Variants in PTPRD observed in about 807,000 individuals in gnomAD.
The protein encoded by PTPRD is protein tyrosine phosphatase receptor type D.
Under a neutral mutation model 214.5 loss-of-function variants are expected in PTPRD, and 34 were observed. The observed-to-expected ratio is 0.16, with a 90% CI of 0.12 to 0.21. The LOEUF is 0.21. PTPRD is among the 10% of genes least tolerant of loss of function. The probability of loss-of-function intolerance (pLI) is 1.00; values close to 1 mark genes in which losing one functional copy is unlikely to be tolerated. For synonymous variants in PTPRD, 1,128 were observed against 845.7 expected, an observed-to-expected ratio of 1.33 and a Z score of -5.79; for missense variants, 2,545 against 2,398.7, an observed-to-expected ratio of 1.06 and a Z score of -1.27.
At chr9:9,770,330 A>C (rs1162913819) in intron 5 of PTPRD, among the ~76,000 whole-genome samples, 2 of 152,184 alleles carry the variant, frequency 1.3e-5, no homozygotes, top group African/African-American at 4.8e-5. Flanking sequence ...TTTATATTAC[A>C]TCACAATTTA....
At chr9:9,541,464 C>A (rs1283832660) in intron 8 of PTPRD, among the ~76,000 whole-genome samples, 1 of 151,778 alleles carries the variant, frequency 6.6e-6, no homozygotes, top group Admixed American at 6.6e-5. Flanking sequence ...ATGTGAGAAA[C>A]CTCAACAAAT....
intron 4 of PTPRD, among the ~76,000 whole-genome samples, chr9:9,948,349 G>A (rs1470838124): frequency 6.6e-6 from 1 of 152,010 alleles, no homozygotes; most frequent in Non-Finnish European, 1.5e-5. Context: ...GAAGGGATGT[G>A]TATTCCTTAT....
At chr9:8,580,850 T>G (rs573129963) in intron 14 of PTPRD, among the ~76,000 whole-genome samples, 1 of 152,314 alleles carries the variant, frequency 6.6e-6, no homozygotes, top group Non-Finnish European at 1.5e-5. Context: ...ATAGAAATAC[T>G]GTTTTGCAGT....
chr9:9,752,884 A>C (rs1488020257), intron 6 of PTPRD, among the ~76,000 whole-genome samples: 1 of 152,050 alleles, frequency 6.6e-6, no homozygotes, highest in Non-Finnish European at 1.5e-5. Context: ...GCATTATATA[A>C]TAAAACACAC....
intron 5 of PTPRD, among the ~76,000 whole-genome samples, chr9:9,862,872 C>G (rs866230516): frequency 6.6e-6 from 1 of 151,932 alleles, no homozygotes; most frequent in Non-Finnish European, 1.5e-5. Flanking sequence ...TTTCTTGTGC[C>G]TTTTCTGTTA....
intron 10 of PTPRD, among the ~76,000 whole-genome samples, chr9:9,045,415 G>T (rs2099669305): frequency 6.7e-6 from 1 of 149,630 alleles, no homozygotes; most frequent in African/African-American, 2.6e-5. Flanking sequence ...TGGGGGTAAG[G>T]TGGGTGAAGG....
chr9:9,998,979 G>A (rs1325822905), intron 4 of PTPRD, among the ~76,000 whole-genome samples: 1 of 152,120 alleles, frequency 6.6e-6, no homozygotes, highest in African/African-American at 2.4e-5. Flanking sequence ...GGGATGCATT[G>A]CAGGGGACAT....
At chr9:9,184,200 A>G (rs1467506193) in intron 9 of PTPRD, among the ~76,000 whole-genome samples, 1 of 152,050 alleles carries the variant, frequency 6.6e-6, no homozygotes, top group African/African-American at 2.4e-5. Flanking sequence ...AGATGCTCCA[A>G]CAAGCTCTGC....
chr9:9,109,578 A>T (rs943919609), intron 10 of PTPRD, among the ~76,000 whole-genome samples: 3 of 152,154 alleles, frequency 2.0e-5, no homozygotes, highest in African/African-American at 7.2e-5. Flanking sequence ...ACTAATAATC[A>T]TAACAGTTAT....
At chr9:8,479,139 C>A (rs1048043461) in intron 30 of PTPRD, among the ~76,000 whole-genome samples, 7 of 152,218 alleles carry the variant, frequency 4.6e-5, no homozygotes, top group Non-Finnish European at 8.8e-5. Flanking sequence ...AGTGACACAG[C>A]ATGGCACGGA....
At chr9:10,173,447 A>T (rs2099224746) in intron 3 of PTPRD, among the ~76,000 whole-genome samples, 1 of 152,170 alleles carries the variant, frequency 6.6e-6, no homozygotes, top group South Asian at 2.1e-4. Flanking sequence ...ATTCCCCCAT[A>T]GATTATCACA....
intron 2 of PTPRD, among the ~76,000 whole-genome samples, chr9:10,518,660 G>A (rs1415952659): frequency 1.3e-5 from 2 of 151,728 alleles, no homozygotes; most frequent in Admixed American, 6.6e-5. Flanking sequence ...AGCCTCCCAA[G>A]TAGCTGGGAC....
intron 3 of PTPRD, among the ~76,000 whole-genome samples, chr9:10,067,139 G>C (rs1414027783): frequency 6.6e-6 from 1 of 151,846 alleles, no homozygotes; most frequent in East Asian, 1.9e-4. Flanking sequence ...TGCAGTGCTT[G>C]GCATTGTGAA....
At chr9:9,867,604 G>T (rs1012949198) in intron 5 of PTPRD, among the ~76,000 whole-genome samples, 1 of 151,938 alleles carries the variant, frequency 6.6e-6, no homozygotes, top group African/African-American at 2.4e-5. Flanking sequence ...AAAATAAAAA[G>T]CTCTTGGCTC....
intron 3 of PTPRD, among the ~76,000 whole-genome samples, chr9:10,161,621 A>G (rs966448608): frequency 2.0e-5 from 3 of 151,830 alleles, no homozygotes; most frequent in African/African-American, 7.2e-5. Flanking sequence ...GATATGCTTC[A>G]GGGCAATGGT....
chr9:8,635,325 C>G (rs2096396701), intron 13 of PTPRD, among the ~76,000 whole-genome samples: 1 of 151,406 alleles, frequency 6.6e-6, no homozygotes, highest in South Asian at 2.1e-4. Context: ...TTCTCTTTGA[C>G]AAAAAATTAA....
chr9:8,967,131 G>T (rs1360200413), intron 11 of PTPRD, among the ~76,000 whole-genome samples: 1 of 148,928 alleles, frequency 6.7e-6, no homozygotes, highest in Non-Finnish European at 1.5e-5. Context: ...AATTATTAAA[G>T]TAAAAAAAAA....
At chr9:9,343,174 A>T (rs10977670) in intron 9 of PTPRD, among the ~76,000 whole-genome samples, 1 of 151,992 alleles carries the variant, frequency 6.6e-6, no homozygotes, top group East Asian at 1.9e-4. Flanking sequence ...GCTATTGTGT[A>T]GTGCTGCAAT....
intron 9 of PTPRD, among the ~76,000 whole-genome samples, chr9:9,319,538 C>T (rs368916772): frequency 4.6e-5 from 7 of 152,266 alleles, no homozygotes; most frequent in South Asian, 2.1e-4. Flanking sequence ...GTTATACAAT[C>T]GGCTTTGTAA....
Sources: allele counts gnomAD v4.1 joint callset (sites outside exome capture counted in the v4.1 genomes callset), GRCh38; gene constraint gnomAD v4.1.1; transcripts MANE v1.5; gene names NCBI Gene and HGNC (gene_info 2026-07-23, HGNC 2026-07-21).